Variants in COLEC12 observed in about 807,000 individuals in gnomAD.
COLEC12 encodes the protein collectin-12.
COLEC12 carries 33 observed loss-of-function variants against 71.1 expected under a neutral mutation model. The observed-to-expected ratio is 0.46, with a 90% CI of 0.35 to 0.62. COLEC12 has a LOEUF of 0.62. Among genes scored for constraint, COLEC12 ranks in the 20% least tolerant of loss-of-function variants. The pLI is 0.00. For missense variants in COLEC12, 765 were observed against 916.1 expected (o/e 0.84, Z 2.13); for synonymous variants, 350 against 353.0 (o/e 0.99, Z 0.10).
intron 1 of COLEC12, among the ~76,000 whole-genome samples, chr18:495,192 T>A (rs956457087): frequency 2.0e-5 from 3 of 152,184 alleles, no homozygotes; most frequent in African/African-American, 7.2e-5. Flanking sequence ...GAAAAAGAAA[T>A]CAAATCACTG....
At chr18:410,815 A>G (rs950866877) in intron 2 of COLEC12, among the ~76,000 whole-genome samples, 9 of 152,162 alleles carry the variant, frequency 5.9e-5, no homozygotes, top group Non-Finnish European at 1.0e-4. Context: ...AAAAAAGCTC[A>G]TCTCTTCAGG....
At chr18:423,754 T>A (rs1916145343) in intron 2 of COLEC12, 1 of 152,218 alleles carries the variant, frequency 6.6e-6, no homozygotes, top group African/African-American at 2.4e-5. Context: ...GTTTGTTTTT[T>A]TTTGTTTTGT....
chr18:455,765 G>A (rs1352779078), intron 2 of COLEC12, among the ~76,000 whole-genome samples: 1 of 151,966 alleles, frequency 6.6e-6, no homozygotes, highest in African/African-American at 2.4e-5. Flanking sequence ...TTCTGTTCCT[G>A]TGTTAGTTTG....
At chr18:320,694 T>C (rs1487728542) in intron 9 of COLEC12, among the ~76,000 whole-genome samples, 1 of 152,232 alleles carries the variant, frequency 6.6e-6, no homozygotes, top group Non-Finnish European at 1.5e-5. Flanking sequence ...TCTAATCTAA[T>C]TTTAGAACAT....
intron 6 of COLEC12, 25 bp from the exon 7 acceptor site, chr18:333,168 T>C (rs374940948): frequency 1.9e-5 from 30 of 1,574,464 alleles, no homozygotes; most frequent in African/African-American, 1.1e-4. Context: ...GTGGAAAACA[T>C]TGATTAAAAG....
chr18:406,412 G>A (rs1377487824), intron 2 of COLEC12, among the ~76,000 whole-genome samples: 6 of 151,186 alleles, frequency 4.0e-5, no homozygotes, highest in African/African-American at 1.5e-4. Context: ...GGGAGGCTGA[G>A]GCAGGAGAAT....
In COLEC12 at chr18:478,931, T is replaced by C. The variant is rs1012274044; in HGVS notation, c.58+1776A>G. On this transcript the variant is annotated intron_variant, in intron 2 of 9. Transcript: ENST00000400256. ...GCATAAATGTACTTTTTTGTGTGTT[T>C]TTCACCAAATCCCCAACCCATCCAA... Among the ~76,000 whole-genome samples the C allele has an allele frequency of 2.4e-5, 3 of 125,776 alleles. No homozygotes were observed. In the East Asian group the frequency reaches 6.7e-4, roughly 28 times the overall value. The allele number at this position is 125,776 out of a possible 152,430, so 82.5% of individuals were successfully genotyped here. A position where few individuals can be genotyped will look rare whatever the true frequency, so the allele number is the denominator to read the frequency against.
chr18:368,730 G>A (rs547213237), intron 2 of COLEC12, among the ~76,000 whole-genome samples: 48 of 152,260 alleles, frequency 3.2e-4, no homozygotes, highest in South Asian at 1.4e-3. Flanking sequence ...GCCGGGCGTG[G>A]TGGCGGGCGC....
At chr18:370,006 C>T (rs1459298952) in intron 2 of COLEC12, among the ~76,000 whole-genome samples, 1 of 151,992 alleles carries the variant, frequency 6.6e-6, no homozygotes, top group East Asian at 1.9e-4. Context: ...GATTAAAACC[C>T]GACCTACAAG....
At chr18:402,460 G>A (rs1164176869) in intron 2 of COLEC12, among the ~76,000 whole-genome samples, 1 of 152,064 alleles carries the variant, frequency 6.6e-6, no homozygotes, top group African/African-American at 2.4e-5. Flanking sequence ...AGCAGAAGGT[G>A]GCAGAGTAAA....
intron 2 of COLEC12, among the ~76,000 whole-genome samples, chr18:418,886 T>C (rs1940433): frequency 0.85 from 129,964 of 152,194 alleles, 56,396 homozygotes; most frequent in Non-Finnish European, 0.93. Flanking sequence ...TCTTAATAAA[T>C]TTGCTTTCAC....
intron 3 of COLEC12, among the ~76,000 whole-genome samples, chr18:356,496 G>C (rs747381660): frequency 2.6e-5 from 4 of 152,204 alleles, no homozygotes; most frequent in Non-Finnish European, 5.9e-5. Flanking sequence ...TGCTGGGAGA[G>C]AGGTGGGAGG....
chr18:473,364 C>CCAGCTCAAATCT, intron 2 of COLEC12, among the ~76,000 whole-genome samples: 1 of 152,044 alleles, frequency 6.6e-6, no homozygotes, highest in Non-Finnish European at 1.5e-5. Flanking sequence ...GCTCAAATCT[C>CCAGCTCAAATCT]TTTTTTTTAT....
intron 2 of COLEC12, among the ~76,000 whole-genome samples, chr18:371,977 T>A (rs1418811520): frequency 6.6e-6 from 1 of 152,206 alleles, no homozygotes. Flanking sequence ...GGCACTGTGG[T>A]GATTCCTGCA....
Position 500,087 on chromosome 18 carries a change from G to T in COLEC12, c.7+421C>A, listed in dbSNP as rs1285894366. The stretch of plus-strand genomic sequence containing the variant: ...CGCCAGCGCGGGGACCGCTCGGGCC[G>T]GGAAACGGCTAGAGGCGGGAGGAGA... On this transcript the variant is annotated intron_variant, in intron 1 of 9. Transcript: ENST00000400256. This position sits in a 1 kb window ranked among gnomAD's most constrained non-coding sequence, Gnocchi z 5.3. Among the ~76,000 whole-genome samples, 7 of 152,232 alleles carry T rather than the reference G, an allele frequency of 4.6e-5. No homozygotes were observed. Among genetic ancestry groups the T allele is most frequent in the Non-Finnish European group, 4.4e-5 (3 of 68,040 alleles).
At chr18:402,954 C>A (rs897682013) in intron 2 of COLEC12, among the ~76,000 whole-genome samples, 4 of 152,138 alleles carry the variant, frequency 2.6e-5, no homozygotes, top group African/African-American at 9.7e-5. Flanking sequence ...AACTTCCTGG[C>A]TGTAGTCTTA....
intron 2 of COLEC12, among the ~76,000 whole-genome samples, chr18:476,659 C>T (rs959153310): frequency 1.3e-5 from 2 of 152,230 alleles, no homozygotes; most frequent in East Asian, 3.9e-4. Context: ...TGCTGCCTCT[C>T]TTTCCCTTTC....
At chr18:394,761 C>T (rs1276879934) in intron 2 of COLEC12, among the ~76,000 whole-genome samples, 7 of 152,112 alleles carry the variant, frequency 4.6e-5, no homozygotes, top group East Asian at 1.9e-4. Context: ...ATGAGTTGTC[C>T]GCAGAAGCGC....
At chr18:405,919 C>T (rs182469183) in intron 2 of COLEC12, among the ~76,000 whole-genome samples, 40 of 152,192 alleles carry the variant, frequency 2.6e-4, no homozygotes, top group Middle Eastern at 3.4e-3. Context: ...TACTGGGCTG[C>T]ATTCCTGACG....
Sources: allele counts gnomAD v4.1 joint callset (sites outside exome capture counted in the v4.1 genomes callset), GRCh38; gene constraint gnomAD v4.1.1; non-coding constraint Gnocchi (gnomAD v3.1); transcripts MANE v1.5; gene names NCBI Gene and HGNC (gene_info 2026-07-23, HGNC 2026-07-21).